Variants in BCL2L14 observed in about 807,000 individuals in gnomAD.
The protein encoded by BCL2L14 is apoptosis facilitator Bcl-2-like protein 14.
Under a neutral mutation model 35.3 loss-of-function variants are expected in BCL2L14, and 27 were observed. The observed-to-expected ratio is 0.76, with a 90% CI of 0.56 to 1.05. The LOEUF (loss-of-function observed/expected upper bound fraction) is 1.05. Among genes scored for constraint, BCL2L14 ranks in the 50% least tolerant of loss-of-function variants. The pLI, the probability that BCL2L14 is intolerant of heterozygous loss-of-function variation, is 0.00. For missense variants in BCL2L14, 377 were observed against 382.6 expected (o/e 0.99, Z 0.12); for synonymous variants, 139 against 145.9 (o/e 0.95, Z 0.34).
At chr12:12,067,940 CT>C (rs36031217), upstream of BCL2L14, among the ~76,000 whole-genome samples, 40 of 146,958 alleles carry the variant, frequency 2.7e-4, no homozygotes, top group East Asian at 5.9e-4. Flanking sequence ...CCTTTCAGGA[CT>C]TTTTTTTTTT....
chr12:12,058,430 A>C lies in BCL2L14; in HGVS notation c.-272+6583A>C, dbSNP rs145302876. 1.7e-3 allele frequency among the ~76,000 whole-genome samples: 262 copies of C among 151,200 alleles called. 3 individuals carry two copies. The highest frequency in any genetic ancestry group is 6.1e-3 in the African/African-American group (251 of 41,122). On this transcript the variant is annotated intron_variant, in intron 2 of 3. Transcript: ENST00000461264. ...CACACTTGGCTAATTTTGTATATTTAGTAGAGACGGGGTTTCAGACGGGGT... is the reference window on the plus strand; with the variant it reads ...CACACTTGGCTAATTTTGTATATTTCGTAGAGACGGGGTTTCAGACGGGGT...
chr12:12,058,076 G>T lies in BCL2L14; in HGVS notation c.-272+6229G>T, dbSNP rs548982910. Among the ~76,000 whole-genome samples the T allele has an allele frequency of 3.3e-5, 5 of 150,896 alleles. No homozygotes were observed. The East Asian group carries it at 9.9e-4, about 30-fold the overall frequency. On this transcript the variant is annotated intron_variant, in intron 2 of 3. Transcript: ENST00000461264. ...AATTCTTTTGCCTCGGCCTCCCCGA[G>T]TAGCTGGGACTACAGGTGTGTGCCA...
At chr12:12,081,564 T>C (rs1222283167) in intron 2 of BCL2L14, among the ~76,000 whole-genome samples, 3 of 151,464 alleles carry the variant, frequency 2.0e-5, no homozygotes, top group Non-Finnish European at 4.4e-5. Context: ...TTTTTTTTTT[T>C]TTTAAGGTGT....
At chr12:12,069,490 G>T (rs189732050), upstream of BCL2L14, among the ~76,000 whole-genome samples, 3 of 151,810 alleles carry the variant, frequency 2.0e-5, no homozygotes, top group East Asian at 5.8e-4. Context: ...GGGAGGTCAG[G>T]AGATCGAGGC....
intron 1 of BCL2L14, among the ~76,000 whole-genome samples, chr12:12,074,232 C>A (rs1271448462): frequency 6.6e-6 from 1 of 152,062 alleles, no homozygotes; most frequent in Non-Finnish European, 1.5e-5. Flanking sequence ...TATAATCATT[C>A]ATTCAGTCAG....
intron 2 of BCL2L14, among the ~76,000 whole-genome samples, chr12:12,059,485 T>C (rs1402136609): frequency 2.6e-5 from 4 of 151,656 alleles, no homozygotes; most frequent in Non-Finnish European, 5.9e-5. Context: ...ACCTCATATC[T>C]CTGCTCCCCG....
intron 1 of BCL2L14, among the ~76,000 whole-genome samples, chr12:12,078,841 G>A (rs569448406): frequency 6.6e-6 from 1 of 152,170 alleles, no homozygotes; most frequent in East Asian, 1.9e-4. Context: ...TCTGTCGCCA[G>A]GCTGGAGTGC....
chr12:12,098,155 C>T (rs372733435), intron 5 of BCL2L14, among the ~76,000 whole-genome samples: 16 of 151,870 alleles, frequency 1.1e-4, no homozygotes, highest in Admixed American at 7.9e-4. Context: ...AGTCCCTTAA[C>T]GGGAAAAAAA....
chr12:12,090,917 G>C, intron 4 of BCL2L14, 68 bp downstream of exon 4: 6 of 1,269,840 alleles, frequency 4.7e-6, no homozygotes, highest in Non-Finnish European at 4.4e-6. Flanking sequence ...GAATGGAATT[G>C]TATTCCAGGT....
intron 1 of BCL2L14, chr12:12,078,201 G>A (rs924326644): frequency 1.2e-5 from 2 of 172,444 alleles, no homozygotes; most frequent in African/African-American, 4.7e-5. Context: ...AAAATAACAG[G>A]ATGCTTTTTT....
At chr12:12,077,364 A>C (rs1039462224) in intron 1 of BCL2L14, among the ~76,000 whole-genome samples, 1 of 152,108 alleles carries the variant, frequency 6.6e-6, no homozygotes, top group Non-Finnish European at 1.5e-5. Flanking sequence ...CAACATAGCG[A>C]GACCTTGTCT....
At chr12:12,094,510 G>A (rs1445656604) in intron 4 of BCL2L14, 154 bp from the exon 5 acceptor site, 2 of 1,613,894 alleles carry the variant, frequency 1.2e-6, no homozygotes, top group South Asian at 2.2e-5. Flanking sequence ...TGGTTCTGCA[G>A]GACACTGCCT....
Position 12,058,105 on chromosome 12 carries a change from C to T in BCL2L14, c.-272+6258C>T, listed in dbSNP as rs569734276. 1.6e-3 allele frequency among the ~76,000 whole-genome samples: 245 copies of T among 151,660 alleles called. 2 individuals carry two copies. The highest frequency in any genetic ancestry group is 2.7e-3 in the Non-Finnish European group (180 of 67,916). ...CTGGGACTACAGGTGTGTGCCACCA[C>T]GCCCAGCTAAATTTTTTTGTGTTTT... is the stretch of plus-strand genomic sequence containing the variant. On this transcript the variant is annotated intron_variant, in intron 2 of 3. Coordinates refer to the BCL2L14 transcript ENST00000461264.
chr12:12,065,044 C>T (rs1740323413), intron 2 of BCL2L14, among the ~76,000 whole-genome samples: 1 of 152,172 alleles, frequency 6.6e-6, no homozygotes, highest in Admixed American at 6.6e-5. Context: ...TATTTTTCCT[C>T]TACCCTCCTA....
intron 2 of BCL2L14, among the ~76,000 whole-genome samples, chr12:12,062,018 C>G (rs28820421): frequency 0.54 from 82,479 of 151,692 alleles, 23,209 homozygotes; most frequent in Middle Eastern, 0.67. Flanking sequence ...TAGCCTAGCC[C>G]TCATGTCTCC....
At chr12:12,081,320 T>C (rs73066096) in intron 2 of BCL2L14, among the ~76,000 whole-genome samples, 15,738 of 151,784 alleles carry the variant, frequency 0.1, 1,091 homozygotes, top group African/African-American at 0.18. Flanking sequence ...CGAGGCATGG[T>C]GGCACATGCC....
intron 2 of BCL2L14, among the ~76,000 whole-genome samples, chr12:12,053,474 G>A (rs1948387893): frequency 6.6e-6 from 1 of 151,212 alleles, no homozygotes; most frequent in Non-Finnish European, 1.5e-5. Flanking sequence ...AGGCTGGAGT[G>A]CAATGGCGCA....
chr12:12,099,607 C>T lies in BCL2L14; in HGVS notation c.*619C>T, dbSNP rs990248745. On this transcript the variant is annotated 3_prime_UTR_variant, in exon 6 of 6. Transcript: ENST00000308721. ...TTTCTCAGGGACCACACCTCTTCTT[C>T]CCAAGGTCCCTGGGACTTCCTCATT... 6.6e-6 allele frequency: 1 copy of T among 152,240 alleles called. No homozygotes were observed. Among genetic ancestry groups the T allele is most frequent in the Non-Finnish European group, 1.5e-5 (1 of 68,060 alleles). The allele number at this position is 152,240 out of a possible 1,614,324, so 9.4% of individuals were successfully genotyped here. A position where few individuals can be genotyped will look rare whatever the true frequency, so the allele number is the denominator to read the frequency against.
At chr12:12,062,472 C>T (rs568636526) in intron 2 of BCL2L14, among the ~76,000 whole-genome samples, 192 of 151,190 alleles carry the variant, frequency 1.3e-3, no homozygotes, top group African/African-American at 4.2e-3. Flanking sequence ...TCCTTTCCAT[C>T]GTGGAAATCT....
Sources: gnomAD v4.1 joint callset for allele counts (sites outside exome capture counted in the v4.1 genomes callset) on GRCh38, gnomAD v4.1.1 for gene constraint, MANE v1.5 for transcripts, NCBI Gene and HGNC (gene_info 2026-07-23, HGNC 2026-07-21) for gene names.